ANKRD44: variants seen among roughly 807,000 people sequenced by gnomAD.
ANKRD44 encodes ankyrin repeat domain 44, also known as serine/threonine-protein phosphatase 6 regulatory ankyrin repeat subunit B.
Under a neutral mutation model 116.0 loss-of-function variants are expected in ANKRD44, and 35 were observed. The ratio of observed to expected loss-of-function variants is 0.30; its 90% confidence interval spans 0.23 to 0.40. The LOEUF (loss-of-function observed/expected upper bound fraction) is 0.40, where lower values mean the gene tolerates loss of function less well. ANKRD44 is among the 10% of genes least tolerant of loss of function. ANKRD44 has a pLI of 1.00. For missense variants in ANKRD44, 1,014 were observed against 1,242.6 expected, an observed-to-expected ratio of 0.82 and a Z score of 2.77; for synonymous variants, 435 against 461.8, an observed-to-expected ratio of 0.94 and a Z score of 0.74.
At chr2:197,121,082 C>A (rs1318645556) in intron 8 of ANKRD44, among the ~76,000 whole-genome samples, 1 of 152,146 alleles carries the variant, frequency 6.6e-6, no homozygotes, top group East Asian at 1.9e-4. Flanking sequence ...GCACCCGCCA[C>A]CACGCCTGGC....
At position 196,979,782 on chromosome 2, in the gene ANKRD44, G is replaced by T. The variant is rs577278752; in HGVS notation, c.2369-12336C>A. ...TCTCCATGTTGGTCAGGCTGGTCTC[G>T]AACTCCCAACCTCAGGTGATCTGCC... On this transcript the variant is annotated intron_variant, in intron 21 of 21. Transcript: ENST00000424317. Among the ~76,000 whole-genome samples, 6 of 151,852 alleles carry T rather than the reference G, an allele frequency of 4.0e-5. No individual in the cohort carries two copies. The South Asian group carries it at 1.2e-3, about 32-fold the overall frequency.
At position 197,136,580 on chromosome 2, in the gene ANKRD44, G is replaced by A. The variant is rs759519824; in HGVS notation, c.261+12C>T. On this transcript the variant is annotated intron_variant, in intron 4 of 27. Coordinates refer to ENST00000282272, the MANE Select transcript of ANKRD44 (RefSeq NM_001195144.2). ...CACAGTAGGTATTAGATTAAATATGGTAATCACTCACTTCACTTCTGGAAG... is the reference window on the plus strand; with the variant it reads ...CACAGTAGGTATTAGATTAAATATGATAATCACTCACTTCACTTCTGGAAG... 1.2e-5 allele frequency: 19 copies of A among 1,611,782 alleles called. No homozygotes were observed. The highest frequency in any genetic ancestry group is 1.5e-5 in the Non-Finnish European group (18 of 1,178,036).
At chr2:197,138,112 GTAA>G (rs1470788612) in intron 3 of ANKRD44, among the ~76,000 whole-genome samples, 2 of 152,206 alleles carry the variant, frequency 1.3e-5, no homozygotes, top group African/African-American at 2.4e-5. Context: ...AACAACAACA[GTAA>G]TAATACTTCT....
chr2:197,194,610 T>A (rs1332284780), intron 1 of ANKRD44, among the ~76,000 whole-genome samples: 1 of 152,204 alleles, frequency 6.6e-6, no homozygotes, highest in South Asian at 2.1e-4. Context: ...GAATTCAGCT[T>A]CAGTTTCAAC....
chr2:197,179,384 T>C (rs1315975976), intron 2 of ANKRD44, among the ~76,000 whole-genome samples: 1 of 152,212 alleles, frequency 6.6e-6, no homozygotes, highest in African/African-American at 2.4e-5. Flanking sequence ...TTTCAAACAA[T>C]TACCATCTTA....
rs182414549 is a variant in ANKRD44, at chr2:197,087,166, C to G, written c.1248-418G>C. On this transcript the variant is annotated intron_variant, in intron 12 of 27. Transcript: ENST00000282272. The stretch of plus-strand genomic sequence containing the variant: ...AGCCAGAGTGGATGGGCGTTACCTT[C>G]TATCACAGCAGAATGAATTCACCAT... Among the ~76,000 whole-genome samples the G allele has an allele frequency of 9.3e-3, 1,418 of 152,310 alleles. 9 individuals carry two copies. The highest frequency in any genetic ancestry group is 0.041 in the Middle Eastern group (12 of 294).
chr2:196,976,505 T>C (rs558271430), intron 21 of ANKRD44, among the ~76,000 whole-genome samples: 2 of 152,266 alleles, frequency 1.3e-5, no homozygotes, highest in African/African-American at 4.8e-5. Flanking sequence ...CTATACAGAT[T>C]GGAAAAGAAG....
chr2:196,987,293 A>G lies in ANKRD44; in HGVS notation c.*2298T>C. 1 of 985,312 alleles carries G rather than the reference A, an allele frequency of 1.0e-6. No homozygotes were observed. The highest frequency in any genetic ancestry group is 1.7e-5 in the African/African-American group (1 of 57,378). The allele number at this position is 985,312 out of a possible 1,614,324, so 61.0% of individuals were successfully genotyped here. A position where few individuals can be genotyped will look rare whatever the true frequency, so the allele number is the denominator to read the frequency against. On this transcript the variant is annotated 3_prime_UTR_variant, in exon 28 of 28. Transcript: ENST00000282272. ...ATGCAAGTACAAGGGGAAATAGGAAAAAAGACACTTTATACATTCAAAGAA... is the reference window on the plus strand; with the variant it reads ...ATGCAAGTACAAGGGGAAATAGGAAGAAAGACACTTTATACATTCAAAGAA...
At position 197,109,751 on chromosome 2, in the gene ANKRD44, C is replaced by T. The variant is rs554936971; in HGVS notation, c.985+1015G>A. Among the ~76,000 whole-genome samples the T allele has an allele frequency of 5.9e-5, 9 of 152,184 alleles. No individual in the cohort carries two copies. In the South Asian group the frequency reaches 1.9e-3, roughly 32 times the overall value. Reference sequence around the variant, plus strand: ...TTGACCTGGAATATCAGCTTAAAATCTGAACTAAACCTGGTTTTTGTCTTT... The same window carrying T: ...TTGACCTGGAATATCAGCTTAAAATTTGAACTAAACCTGGTTTTTGTCTTT... On this transcript the variant is annotated intron_variant, in intron 9 of 27. Coordinates refer to ENST00000282272, the MANE Select transcript of ANKRD44 (RefSeq NM_001195144.2).
intron 18 of ANKRD44, among the ~76,000 whole-genome samples, chr2:197,009,978 C>T (rs1481218596): frequency 6.6e-6 from 1 of 151,986 alleles, no homozygotes. Flanking sequence ...TCTACCCTGC[C>T]TCCAACCCCT....
chr2:197,218,845 C>T (rs1187034254), intron 1 of ANKRD44, among the ~76,000 whole-genome samples: 3 of 145,268 alleles, frequency 2.1e-5, no homozygotes, highest in Non-Finnish European at 4.5e-5. Flanking sequence ...CTACAATCTC[C>T]GCCTCCTGGG....
At chr2:197,167,122 C>G (rs1311475872) in intron 2 of ANKRD44, among the ~76,000 whole-genome samples, 2 of 152,062 alleles carry the variant, frequency 1.3e-5, no homozygotes, top group African/African-American at 2.4e-5. Context: ...ATCAAGCCTC[C>G]TCAGGTGATG....
intron 10 of ANKRD44, among the ~76,000 whole-genome samples, chr2:197,091,716 C>T (rs1019285954): frequency 8.5e-5 from 13 of 152,282 alleles, no homozygotes; most frequent in African/African-American, 3.1e-4. Flanking sequence ...GTCCCAAGCA[C>T]TTTGCTAGGA....
intron 1 of ANKRD44, among the ~76,000 whole-genome samples, chr2:197,298,297 C>A (rs944095067): frequency 3.9e-5 from 6 of 152,186 alleles, no homozygotes; most frequent in African/African-American, 1.4e-4. Context: ...ATATCTTACA[C>A]TGGACAAGCC....
chr2:197,237,404 T>G (rs2082000820), intron 1 of ANKRD44, among the ~76,000 whole-genome samples: 1 of 152,234 alleles, frequency 6.6e-6, no homozygotes, highest in Non-Finnish European at 1.5e-5. Flanking sequence ...CAGCAATACT[T>G]TTCTCAAGAA....
At chr2:197,147,978 A>G (rs2079547923) in intron 2 of ANKRD44, 2 of 397,712 alleles carry the variant, frequency 5.0e-6, no homozygotes, top group African/African-American at 2.1e-5. Flanking sequence ...ACCTTCACCC[A>G]GCAGACTTCA....
chr2:197,202,973 AC>A (rs1559146543), intron 1 of ANKRD44, among the ~76,000 whole-genome samples: 1 of 151,872 alleles, frequency 6.6e-6, no homozygotes, highest in Non-Finnish European at 1.5e-5. Flanking sequence ...ACTAGGTCCC[AC>A]CCCAATAAGC....
intron 18 of ANKRD44, 66 bp from the exon 19 acceptor site, chr2:197,009,097 T>C: frequency 1.4e-6 from 2 of 1,380,952 alleles, no homozygotes; most frequent in Non-Finnish European, 1.0e-6. Context: ...TCCAAATGAC[T>C]TTTTCTTTTT....
At chr2:197,105,954 C>A (rs1393478348) in intron 9 of ANKRD44, among the ~76,000 whole-genome samples, 1 of 152,206 alleles carries the variant, frequency 6.6e-6, no homozygotes. Context: ...ACATCCTTCC[C>A]AGCCAAGAGT....
Sources: allele counts gnomAD v4.1 joint callset (sites outside exome capture counted in the v4.1 genomes callset), GRCh38; gene constraint gnomAD v4.1.1; transcripts MANE v1.5; gene names NCBI Gene and HGNC (gene_info 2026-07-23, HGNC 2026-07-21).